VSNL1: variants seen among roughly 807,000 people sequenced by gnomAD.
VSNL1 encodes visinin like 1.
A neutral mutation model predicts 20.4 loss-of-function variants in VSNL1; 6 were observed. The ratio of observed to expected loss-of-function variants is 0.29; its 90% confidence interval spans 0.16 to 0.58. The LOEUF (loss-of-function observed/expected upper bound fraction) is 0.58. Among genes scored for constraint, VSNL1 ranks in the 20% least tolerant of loss-of-function variants. The pLI, the probability that VSNL1 is intolerant of heterozygous loss-of-function variation, is 0.90. For synonymous variants in VSNL1, 93 were observed against 86.4 expected (o/e 1.08, Z -0.42); for missense variants, 100 against 234.5 (o/e 0.43, Z 3.75).
chr2:17,641,713 A>G lies in VSNL1; in HGVS notation c.163-7697A>G, dbSNP rs556488300. Among the ~76,000 whole-genome samples, 4 of 152,368 alleles carry G rather than the reference A, an allele frequency of 2.6e-5. No individual in the cohort carries two copies. In the East Asian group the frequency reaches 7.7e-4, roughly 29 times the overall value. ...AGAAATAGGGATAGAGAGACCAGAGATAGATACTTAAACTTACTTATAGGT... is the reference window on the plus strand; with the variant it reads ...AGAAATAGGGATAGAGAGACCAGAGGTAGATACTTAAACTTACTTATAGGT... On this transcript the variant is annotated intron_variant, in intron 2 of 3. Coordinates refer to ENST00000295156, the MANE Select transcript of VSNL1 (RefSeq NM_003385.5).
intron 2 of VSNL1, among the ~76,000 whole-genome samples, chr2:17,596,721 A>C (rs1348201354): frequency 6.6e-6 from 1 of 152,226 alleles, no homozygotes; most frequent in Non-Finnish European, 1.5e-5. Flanking sequence ...GTTCAGTTGA[A>C]AAGGCAGTCA....
At chr2:17,547,708 T>C (rs1428330913) in intron 1 of VSNL1, among the ~76,000 whole-genome samples, 1 of 152,042 alleles carries the variant, frequency 6.6e-6, no homozygotes, top group African/African-American at 2.4e-5. Context: ...TTTAAATGCA[T>C]CCCCTTTCCA....
intron 2 of VSNL1, among the ~76,000 whole-genome samples, chr2:17,631,963 T>C (rs1173325615): frequency 2.0e-5 from 3 of 152,242 alleles, no homozygotes; most frequent in Non-Finnish European, 4.4e-5. Flanking sequence ...CTCAGCTCTC[T>C]ACAGCCTCCG....
intron 2 of VSNL1, among the ~76,000 whole-genome samples, chr2:17,644,327 C>G (rs921940683): frequency 6.6e-6 from 1 of 152,206 alleles, no homozygotes; most frequent in African/African-American, 2.4e-5. Flanking sequence ...GGCCTCAGCC[C>G]CCAGGACAAG....
At chr2:17,648,002 A>G in intron 2 of VSNL1, among the ~76,000 whole-genome samples, 1 of 152,236 alleles carries the variant, frequency 6.6e-6, no homozygotes, top group Non-Finnish European at 1.5e-5. Flanking sequence ...TGTTTGATGA[A>G]AAAAAGAAAT....
At chr2:17,617,540 C>G (rs1054433041) in intron 2 of VSNL1, among the ~76,000 whole-genome samples, 3 of 152,006 alleles carry the variant, frequency 2.0e-5, no homozygotes, top group Admixed American at 6.6e-5. Flanking sequence ...GTCCACTGTA[C>G]CTTAAGCCTC....
chr2:17,596,680 T>G (rs1572355267), intron 2 of VSNL1, among the ~76,000 whole-genome samples: 1 of 152,298 alleles, frequency 6.6e-6, no homozygotes, highest in East Asian at 1.9e-4. Context: ...TTCAAGATTA[T>G]TTTCATCAGG....
At chr2:17,598,470 C>T (rs1292540468) in intron 2 of VSNL1, among the ~76,000 whole-genome samples, 1 of 152,202 alleles carries the variant, frequency 6.6e-6, no homozygotes, top group Non-Finnish European at 1.5e-5. Flanking sequence ...TAGGCCCCTT[C>T]CTCAGGTTGC....
chr2:17,564,461 A>G (rs533692222), intron 1 of VSNL1, among the ~76,000 whole-genome samples: 1 of 152,320 alleles, frequency 6.6e-6, no homozygotes, highest in Admixed American at 6.5e-5. Flanking sequence ...TATGCTTAGG[A>G]TTCTGTAAAA....
At chr2:17,595,088 G>A (rs1387198277) in intron 2 of VSNL1, among the ~76,000 whole-genome samples, 1 of 152,164 alleles carries the variant, frequency 6.6e-6, no homozygotes, top group Admixed American at 6.5e-5. Flanking sequence ...GCTGGAGTGA[G>A]ATTTGTAAAA....
intron 1 of VSNL1, among the ~76,000 whole-genome samples, chr2:17,549,501 A>G (rs1663478134): frequency 6.6e-6 from 1 of 152,242 alleles, no homozygotes; most frequent in African/African-American, 2.4e-5. Flanking sequence ...ATAACAAATC[A>G]TTACTTACAA....
chr2:17,567,669 C>T (rs1663985370), intron 1 of VSNL1: 1 of 152,048 alleles, frequency 6.6e-6, no homozygotes, highest in African/African-American at 2.4e-5. Context: ...CCAAGTCTCA[C>T]TTTTTTAACG....
At chr2:17,593,302 G>A (rs1379543199) in intron 2 of VSNL1, among the ~76,000 whole-genome samples, 2 of 152,042 alleles carry the variant, frequency 1.3e-5, no homozygotes, top group Non-Finnish European at 2.9e-5. Context: ...AGGGAAAGTG[G>A]AAAATAAACA....
At chr2:17,611,838 T>C (rs1665096192) in intron 2 of VSNL1, among the ~76,000 whole-genome samples, 1 of 152,226 alleles carries the variant, frequency 6.6e-6, no homozygotes, top group South Asian at 2.1e-4. Flanking sequence ...TATTAACATG[T>C]CAGTGACTGA....
At chr2:17,541,865 G>A (rs1333107849) in intron 1 of VSNL1, among the ~76,000 whole-genome samples, 1 of 152,184 alleles carries the variant, frequency 6.6e-6, no homozygotes, top group East Asian at 1.9e-4. Context: ...GCGAGGAGAG[G>A]CTGATGCTCC....
chr2:17,561,521 T>C (rs1663814669), intron 1 of VSNL1, among the ~76,000 whole-genome samples: 1 of 152,210 alleles, frequency 6.6e-6, no homozygotes, highest in South Asian at 2.1e-4. Context: ...TTAAGCAATT[T>C]TACTCCATCT....
intron 2 of VSNL1, among the ~76,000 whole-genome samples, chr2:17,641,091 G>A (rs969476039): frequency 1.3e-5 from 2 of 152,236 alleles, no homozygotes; most frequent in African/African-American, 4.8e-5. Context: ...TAATTGAGAT[G>A]CAGCCAGGCT....
chr2:17,548,082 G>A (rs1324195320), intron 1 of VSNL1, among the ~76,000 whole-genome samples: 4 of 151,984 alleles, frequency 2.6e-5, no homozygotes, highest in Non-Finnish European at 4.4e-5. Context: ...GTGTGTCTGT[G>A]GGAAGAGTCT....
intron 1 of VSNL1, among the ~76,000 whole-genome samples, chr2:17,577,303 T>A (rs1054016934): frequency 6.6e-6 from 1 of 152,242 alleles, no homozygotes; most frequent in Non-Finnish European, 1.5e-5. Flanking sequence ...AGTTTTTGTA[T>A]TGAACTTTTG....
Sources: gnomAD v4.1 joint callset for allele counts (sites outside exome capture counted in the v4.1 genomes callset) on GRCh38, gnomAD v4.1.1 for gene constraint, MANE v1.5 for transcripts, NCBI Gene and HGNC (gene_info 2026-07-23, HGNC 2026-07-21) for gene names.